UGT1A9: variants seen among roughly 807,000 people sequenced by gnomAD.
The protein encoded by UGT1A9 is UDP glucuronosyltransferase family 1 member A9, also known as UDP-glucuronosyltransferase 1A9.
A neutral mutation model predicts 45.0 loss-of-function variants in UGT1A9; 35 were observed. The ratio of observed to expected loss-of-function variants is 0.78; its 90% confidence interval spans 0.59 to 1.03. The LOEUF (loss-of-function observed/expected upper bound fraction) is 1.03, where lower values mean the gene tolerates loss of function less well. Among genes scored for constraint, UGT1A9 ranks in the 50% least tolerant of loss-of-function variants. UGT1A9 has a pLI of 0.00. For synonymous variants in UGT1A9, 278 were observed against 250.6 expected (o/e 1.11, Z -1.03); for missense variants, 687 against 666.6 (o/e 1.03, Z -0.34).
chr2:233,716,165 T>C (rs990083164), intron 1 of UGT1A9, among the ~76,000 whole-genome samples: 2 of 152,214 alleles, frequency 1.3e-5, no homozygotes, highest in Non-Finnish European at 2.9e-5. Flanking sequence ...GGAGATGCAG[T>C]GCAGCATCTT....
At chr2:233,740,031 T>C (rs1041494414) in intron 1 of UGT1A9, among the ~76,000 whole-genome samples, 2 of 151,832 alleles carry the variant, frequency 1.3e-5, no homozygotes, top group African/African-American at 2.4e-5. Flanking sequence ...CTGATGGTTT[T>C]ATAAGGGACT....
intron 1 of UGT1A9, chr2:233,750,533 C>A (rs761988421): frequency 6.6e-6 from 1 of 151,942 alleles, no homozygotes; most frequent in Non-Finnish European, 1.5e-5. Flanking sequence ...GGGAAAATGG[C>A]TTCAGTGCAC....
chr2:233,747,352 C>T (rs1016140254), intron 1 of UGT1A9: 87 of 1,602,584 alleles, frequency 5.4e-5, no homozygotes, highest in Admixed American at 8.4e-5. Flanking sequence ...ATGCGGGAGG[C>T]CGTGCGGGAG....
chr2:233,676,151 A>G (rs1249377468), intron 1 of UGT1A9, among the ~76,000 whole-genome samples: 1 of 152,050 alleles, frequency 6.6e-6, no homozygotes, highest in African/African-American at 2.4e-5. Flanking sequence ...CCAGCGTCAG[A>G]CTCCAAAACC....
chr2:233,734,619 T>A (rs1463316378), intron 1 of UGT1A9, among the ~76,000 whole-genome samples: 1 of 152,238 alleles, frequency 6.6e-6, no homozygotes, highest in African/African-American at 2.4e-5. Flanking sequence ...GTGTTGATTT[T>A]AGATCTTTCC....
chr2:233,763,751 G>A (rs758447394), intron 1 of UGT1A9, among the ~76,000 whole-genome samples: 3 of 152,212 alleles, frequency 2.0e-5, no homozygotes, highest in Non-Finnish European at 4.4e-5. Flanking sequence ...TCTTTGGTGT[G>A]TCTGAAGGAA....
intron 1 of UGT1A9, among the ~76,000 whole-genome samples, chr2:233,710,469 T>C (rs2076133912): frequency 6.6e-6 from 1 of 152,238 alleles, no homozygotes; most frequent in Non-Finnish European, 1.5e-5. Context: ...AATGGGTGTG[T>C]AGTAGAATTT....
chr2:233,682,668 T>C (rs1489706860), intron 1 of UGT1A9: 4 of 1,613,820 alleles, frequency 2.5e-6, no homozygotes, highest in Non-Finnish European at 2.5e-6. Context: ...GCATATGATC[T>C]CTACAGCCAC....
rs371916153 is a variant in UGT1A9, at chr2:233,743,676, T to C, written c.856-23358T>C. On this transcript the variant is annotated intron_variant, in intron 1 of 4. Coordinates refer to ENST00000354728, the MANE Select transcript of UGT1A9 (RefSeq NM_021027.3). Reference sequence around the variant, plus strand: ...TACTCGAAGGGGTCCTCGAAGGGCCTGCCGCCTGTGCAGCCGCCCTCCGCC... The same window carrying C: ...TACTCGAAGGGGTCCTCGAAGGGCCCGCCGCCTGTGCAGCCGCCCTCCGCC... 1.7e-5 allele frequency: 23 copies of C among 1,367,108 alleles called. No homozygotes were observed. In the African/African-American group the frequency reaches 3.1e-4, roughly 19 times the overall value. The allele number at this position is 1,367,108 out of a possible 1,614,324, so 84.7% of individuals were successfully genotyped here. A position where few individuals can be genotyped will look rare whatever the true frequency, so the allele number is the denominator to read the frequency against.
At chr2:233,716,940 T>A (rs2076534957) in intron 1 of UGT1A9, among the ~76,000 whole-genome samples, 1 of 152,150 alleles carries the variant, frequency 6.6e-6, no homozygotes, top group Non-Finnish European at 1.5e-5. Flanking sequence ...GCTCCTCCTA[T>A]TTCCCAGGCA....
At chr2:233,743,731 G>C (rs373030535) in intron 1 of UGT1A9, 1 of 1,367,360 alleles carries the variant, frequency 7.3e-7, no homozygotes, top group East Asian at 4.5e-5. Flanking sequence ...CATAGATATC[G>C]CGTTTCTTGG....
At chr2:233,691,164 CT>C (rs1275224521) in intron 1 of UGT1A9, 1 of 985,620 alleles carries the variant, frequency 1.0e-6, no homozygotes, top group African/African-American at 1.7e-5. Flanking sequence ...GGAAACCTGC[CT>C]AATGTCTGCC....
chr2:233,751,910 A>G (rs1006806920), intron 1 of UGT1A9, among the ~76,000 whole-genome samples: 1 of 152,180 alleles, frequency 6.6e-6, no homozygotes, highest in African/African-American at 2.4e-5. Context: ...AGAACAGACT[A>G]ATACAAGATT....
intron 1 of UGT1A9, among the ~76,000 whole-genome samples, chr2:233,735,934 C>T (rs2078711337): frequency 6.6e-6 from 1 of 152,038 alleles, no homozygotes; most frequent in South Asian, 2.1e-4. Context: ...TCTGTGGCTG[C>T]CCTTAACATT....
At chr2:233,695,741 A>G (rs749917184) in intron 1 of UGT1A9, among the ~76,000 whole-genome samples, 6 of 152,186 alleles carry the variant, frequency 3.9e-5, no homozygotes, top group African/African-American at 7.2e-5. Context: ...GTTGCTGCAC[A>G]TGACAGGTCT....
intron 1 of UGT1A9, among the ~76,000 whole-genome samples, chr2:233,673,872 C>A (rs557659899): frequency 3.6e-4 from 55 of 152,230 alleles, no homozygotes; most frequent in South Asian, 2.3e-3. Flanking sequence ...CAAAGAATTC[C>A]CTTCTCTGAT....
In UGT1A9 at chr2:233,672,278, A is replaced by T. The variant is rs1189815184; in HGVS notation, c.344A>T (p.Asp115Val). The change falls in exon 1 of 5, where the codon GAC becomes GTC. Residue 115 changes from aspartate to valine, a missense_variant. Transcript: ENST00000354728. ...TCTCTATTAATGGGTTCATACAATG[A>T]CATTTTTGACTTATTTTTTTCAAAT... ...IYSLLMGSYN[D>V]IFDLFFSNCR... 2 of 1,613,626 alleles carry T rather than the reference A, an allele frequency of 1.2e-6. No individual in the cohort carries two copies. Among genetic ancestry groups the T allele is most frequent in the Admixed American group, 3.3e-5 (2 of 59,940 alleles).
chr2:233,691,781 C>T (rs977345614), intron 1 of UGT1A9: 4 of 282,536 alleles, frequency 1.4e-5, no homozygotes, highest in Non-Finnish European at 2.1e-5. Context: ...TCACCACGTA[C>T]TGGCTAGACT....
chr2:233,754,977 T>C (rs754870869), intron 1 of UGT1A9: 1 of 1,298,334 alleles, frequency 7.7e-7, no homozygotes, highest in Non-Finnish European at 1.0e-6. Context: ...CCTGAAGACC[T>C]CGGCGGGGTC....
Sources: allele counts gnomAD v4.1 joint callset (sites outside exome capture counted in the v4.1 genomes callset), GRCh38; gene constraint gnomAD v4.1.1; transcripts MANE v1.5; gene names NCBI Gene and HGNC (gene_info 2026-07-23, HGNC 2026-07-21).